Variants in ARF4 observed in about 807,000 individuals in gnomAD.
ARF4 encodes the protein ADP-ribosylation factor 4.
Under a neutral mutation model 24.3 loss-of-function variants are expected in ARF4, and 5 were observed. The observed-to-expected ratio is 0.21, with a 90% confidence interval of 0.11 to 0.43. The LOEUF is 0.43. Among genes scored for constraint, ARF4 ranks in the 20% least tolerant of loss-of-function variants. The probability of loss-of-function intolerance (pLI) is 1.00; values close to 1 mark genes in which losing one functional copy is unlikely to be tolerated. For synonymous variants in ARF4, 62 were observed against 73.5 expected (o/e 0.84, Z 0.80); for missense variants, 107 against 213.0 (o/e 0.50, Z 3.10).
chr3:57,581,500 A>T (rs565555521), intron 3 of ARF4, among the ~76,000 whole-genome samples: 7 of 152,288 alleles, frequency 4.6e-5, no homozygotes, highest in Middle Eastern at 3.4e-3. Flanking sequence ...CTTCATATCT[A>T]ACTCTTTCAA....
At chr3:57,584,037 G>T in intron 2 of ARF4, 30 bp from the exon 3 acceptor site, 1 of 1,394,260 alleles carries the variant, frequency 7.2e-7, no homozygotes, top group Non-Finnish European at 1.0e-6. Flanking sequence ...TGACCGCTGT[G>T]CAGCGTCATT....
chr3:57,597,013 AC>A, intron 1 of ARF4, 60 bp downstream of exon 1: 1 of 1,568,444 alleles, frequency 6.4e-7, no homozygotes, highest in East Asian at 2.3e-5. Flanking sequence ...CCCAGAGGCC[AC>A]CCCAATTGTG....
In ARF4 at chr3:57,597,239, GAGAAAGAGCGGAGGA is replaced by G; in HGVS notation, c.-114_-100del. On this transcript the variant is annotated 5_prime_UTR_variant, in exon 1 of 6. Coordinates refer to ENST00000303436, the MANE Select transcript of ARF4 (RefSeq NM_001660.4). ...CCCAGGCAAACTAAACGAGAGGGAA[GAGAAAGAGCGGAGGA>G]AGAAAGAGGGAGGCAGAAACGTCTC... 2 of 1,185,016 alleles carry G rather than the reference GAGAAAGAGCGGAGGA, an allele frequency of 1.7e-6. No individual in the cohort carries two copies. The allele number at this position is 1,185,016 out of a possible 1,614,324, so 73.4% of individuals were successfully genotyped here.
chr3:57,574,003 G>A lies in ARF4; in HGVS notation c.456+1545C>T, dbSNP rs567113465. The stretch of plus-strand genomic sequence containing the variant: ...GTCACCCAGGCTGGAGTGCAGTGGC[G>A]TGATCTCGGCTCACTGCAACCTCTG... On this transcript the variant is annotated intron_variant, in intron 5 of 5. Coordinates refer to ENST00000303436, the MANE Select transcript of ARF4 (RefSeq NM_001660.4). 5.9e-4 allele frequency among the ~76,000 whole-genome samples: 89 copies of A among 152,036 alleles called. No individual in the cohort carries two copies. In the South Asian group the frequency reaches 7.5e-3, roughly 13 times the overall value.
At chr3:57,591,761 G>A (rs1265579658) in intron 1 of ARF4, among the ~76,000 whole-genome samples, 7 of 152,112 alleles carry the variant, frequency 4.6e-5, no homozygotes, top group African/African-American at 1.4e-4. Flanking sequence ...CACCGCGCCC[G>A]GCCATTATGA....
intron 5 of ARF4, 115 bp from the exon 6 acceptor site, chr3:57,572,413 C>A: frequency 1.3e-6 from 1 of 741,522 alleles, no homozygotes; most frequent in Admixed American, 2.6e-5. Context: ...TCTCACAAAA[C>A]TCTCCCATAT....
intron 1 of ARF4, among the ~76,000 whole-genome samples, chr3:57,589,426 TCAAA>T (rs1355655737): frequency 6.6e-6 from 1 of 151,930 alleles, no homozygotes; most frequent in Non-Finnish European, 1.5e-5. Flanking sequence ...AGATCCTGTC[TCAAA>T]CAAACAAGGC....
chr3:57,575,807 C>T, intron 4 of ARF4, 134 bp from the exon 5 acceptor site: 7 of 990,654 alleles, frequency 7.1e-6, no homozygotes, highest in Non-Finnish European at 9.8e-6. Flanking sequence ...AAAGTTCACT[C>T]TTACAACTGA....
chr3:57,577,494 G>T (rs1057063461), intron 3 of ARF4, 107 bp from the exon 4 acceptor site: 22 of 845,266 alleles, frequency 2.6e-5, no homozygotes, highest in Non-Finnish European at 3.9e-5. Context: ...GGAAGAAAAT[G>T]TCTCTTTAAA....
intron 1 of ARF4, among the ~76,000 whole-genome samples, chr3:57,593,826 C>G (rs908039735): frequency 2.0e-5 from 3 of 151,974 alleles, no homozygotes; most frequent in African/African-American, 7.3e-5. Context: ...CGCTTCAGCC[C>G]AAGAACAGGC....
intron 4 of ARF4, 99 bp downstream of exon 4, chr3:57,577,217 T>C: frequency 2.1e-6 from 2 of 959,120 alleles, no homozygotes; most frequent in Non-Finnish European, 3.3e-6. Flanking sequence ...CCCCAATCCA[T>C]TTGTGTAATC....
intron 1 of ARF4, among the ~76,000 whole-genome samples, chr3:57,589,721 AAAAC>A (rs990094008): frequency 1.3e-5 from 2 of 151,852 alleles, no homozygotes; most frequent in Non-Finnish European, 2.9e-5. Context: ...CCGTCTCAAA[AAAAC>A]AAACAAAAAA....
chr3:57,585,826 G>A (rs1179666121), intron 1 of ARF4, among the ~76,000 whole-genome samples: 3 of 151,810 alleles, frequency 2.0e-5, no homozygotes, highest in African/African-American at 7.3e-5. Flanking sequence ...CCACACCCCA[G>A]CTAATTTGTA....
At chr3:57,578,509 G>C (rs2069932819) in intron 3 of ARF4, among the ~76,000 whole-genome samples, 1 of 151,474 alleles carries the variant, frequency 6.6e-6, no homozygotes, top group Non-Finnish European at 1.5e-5. Flanking sequence ...CTCAGACAGG[G>C]TCTCAACTCT....
At chr3:57,582,200 G>T (rs555429338) in intron 3 of ARF4, among the ~76,000 whole-genome samples, 66 of 151,994 alleles carry the variant, frequency 4.3e-4, no homozygotes, top group African/African-American at 1.5e-3. Context: ...TCTGTATCAA[G>T]TATCTTTTCT....
intron 1 of ARF4, among the ~76,000 whole-genome samples, chr3:57,590,761 C>G (rs1397748724): frequency 2.6e-5 from 4 of 152,108 alleles, no homozygotes; most frequent in Admixed American, 6.6e-5. Flanking sequence ...TCACTGTAGC[C>G]TCAAACTCCT....
chr3:57,595,407 A>G lies in ARF4; in HGVS notation c.67+1667T>C, dbSNP rs527629202. On this transcript the variant is annotated intron_variant, in intron 1 of 5. Transcript: ENST00000303436. ...CTTCCGATCCTTTTTCAGACTGCCA[A>G]CTTTCAGCCACTGAAAACTTAAATA... is the stretch of plus-strand genomic sequence containing the variant. 3.9e-5 allele frequency among the ~76,000 whole-genome samples: 6 copies of G among 152,332 alleles called. No individual in the cohort carries two copies. The South Asian group carries it at 6.2e-4, about 16-fold the overall frequency.
intron 3 of ARF4, among the ~76,000 whole-genome samples, chr3:57,578,060 A>G (rs909457383): frequency 3.3e-5 from 5 of 152,050 alleles, no homozygotes; most frequent in African/African-American, 9.7e-5. Flanking sequence ...CAAAAAACAA[A>G]CAAAAAAACC....
In ARF4 at chr3:57,597,236, G is replaced by C; in HGVS notation, c.-96C>G. 8.3e-7 allele frequency: 1 copy of C among 1,211,494 alleles called. No homozygotes were observed. Among genetic ancestry groups the C allele is most frequent in the Non-Finnish European group, 1.2e-6 (1 of 838,064 alleles). 75.0% of individuals were successfully genotyped at this position (1,211,494 alleles called of 1,614,324 possible). ...GCTCCCAGGCAAACTAAACGAGAGG[G>C]AAGAGAAAGAGCGGAGGAAGAAAGA... On this transcript the variant is annotated 5_prime_UTR_variant, in exon 1 of 6. Coordinates refer to ENST00000303436, the MANE Select transcript of ARF4 (RefSeq NM_001660.4).
Sources: gnomAD v4.1 joint callset for allele counts (sites outside exome capture counted in the v4.1 genomes callset) on GRCh38, gnomAD v4.1.1 for gene constraint, MANE v1.5 for transcripts, NCBI Gene and HGNC (gene_info 2026-07-23, HGNC 2026-07-21) for gene names.